The following PAN3 variants were observed in gnomAD, a reference collection of about 807,000 sequenced individuals.
The protein encoded by PAN3 is poly(A) specific ribonuclease subunit PAN3.
In PAN3, 19 loss-of-function variants were observed where a neutral mutation model predicts 96.2. The ratio of observed to expected loss-of-function variants is 0.20; its 90% CI spans 0.14 to 0.29. PAN3 has a LOEUF of 0.29. PAN3 is among the 10% of genes least tolerant of loss of function. The probability of loss-of-function intolerance (pLI) is 1.00; values close to 1 mark genes in which losing one functional copy is unlikely to be tolerated. For synonymous variants in PAN3, 433 were observed against 406.6 expected (o/e 1.06, Z -0.78); for missense variants, 882 against 1,108.1 (o/e 0.80, Z 2.90).
chr13:28,251,856 G>C (rs1465979582), intron 6 of PAN3, among the ~76,000 whole-genome samples: 1 of 146,340 alleles, frequency 6.8e-6, no homozygotes, highest in African/African-American at 2.5e-5. Context: ...TTCTGCTTTA[G>C]TTTCTTGCTC....
At chr13:28,266,610 T>C in intron 9 of PAN3, 105 bp from the exon 10 acceptor site, 1 of 844,214 alleles carries the variant, frequency 1.2e-6, no homozygotes, top group Non-Finnish European at 1.7e-6. Context: ...CAAGAGCACA[T>C]TGTGATACAC....
chr13:28,141,757 G>T (rs1869880996), intron 1 of PAN3, among the ~76,000 whole-genome samples: 1 of 152,118 alleles, frequency 6.6e-6, no homozygotes, highest in Non-Finnish European at 1.5e-5. Flanking sequence ...ACCGCACCTG[G>T]CCGAGGATTT....
intron 17 of PAN3, 59 bp from the exon 18 acceptor site, chr13:28,287,925 A>G: frequency 6.9e-7 from 1 of 1,454,078 alleles, no homozygotes; most frequent in African/African-American, 1.5e-5. Flanking sequence ...TAAAAAATAG[A>G]CATATGGCCA....
At chr13:28,141,406 C>G (rs903475385) in intron 1 of PAN3, among the ~76,000 whole-genome samples, 2 of 149,376 alleles carry the variant, frequency 1.3e-5, no homozygotes, top group Non-Finnish European at 3.0e-5. Flanking sequence ...ATCTATTAAT[C>G]TTATTCCTGA....
intron 6 of PAN3, among the ~76,000 whole-genome samples, chr13:28,251,697 CA>C (rs778598713): frequency 1.7e-4 from 26 of 152,190 alleles, no homozygotes; most frequent in Non-Finnish European, 3.4e-4. Flanking sequence ...TGGTTTTACA[CA>C]GCGGTTTTAG....
At chr13:28,139,345 G>T (rs566732917) in intron 1 of PAN3, among the ~76,000 whole-genome samples, 1 of 150,838 alleles carries the variant, frequency 6.6e-6, no homozygotes. Context: ...TGATGTGAAG[G>T]GGGGGCGGGG....
intron 1 of PAN3, among the ~76,000 whole-genome samples, chr13:28,143,723 C>T (rs1450635229): frequency 6.6e-6 from 1 of 152,170 alleles, no homozygotes; most frequent in Non-Finnish European, 1.5e-5. Flanking sequence ...TAGTTAACCT[C>T]TGTATTTCCT....
At chr13:28,141,245 T>C (rs962374089) in intron 1 of PAN3, among the ~76,000 whole-genome samples, 1 of 151,916 alleles carries the variant, frequency 6.6e-6, no homozygotes, top group Non-Finnish European at 1.5e-5. Flanking sequence ...CCTCAGGTGA[T>C]CGTCCCGCCT....
chr13:28,246,504 A>G (rs1884203490), intron 6 of PAN3, among the ~76,000 whole-genome samples: 1 of 152,026 alleles, frequency 6.6e-6, no homozygotes, highest in African/African-American at 2.4e-5. Context: ...GTCACCTCCT[A>G]TACTATTGAA....
intron 1 of PAN3, among the ~76,000 whole-genome samples, chr13:28,153,833 A>T (rs1871723551): frequency 6.6e-6 from 1 of 152,176 alleles, no homozygotes; most frequent in African/African-American, 2.4e-5. Flanking sequence ...TAGCCTTCTG[A>T]GCTCATCCAT....
At chr13:28,254,477 T>C (rs139206127) in intron 6 of PAN3, among the ~76,000 whole-genome samples, 3 of 152,286 alleles carry the variant, frequency 2.0e-5, no homozygotes, top group African/African-American at 7.2e-5. Flanking sequence ...ACTTGGCCAG[T>C]TTATTTTGGA....
intron 17 of PAN3, among the ~76,000 whole-genome samples, chr13:28,282,491 A>G (rs1040734960): frequency 6.6e-6 from 1 of 152,230 alleles, no homozygotes; most frequent in African/African-American, 2.4e-5. Context: ...TGTTTCTTCT[A>G]GCATTTATCT....
chr13:28,191,220 ATCTTC>A (rs1000523814), intron 4 of PAN3, among the ~76,000 whole-genome samples: 2 of 152,154 alleles, frequency 1.3e-5, no homozygotes, highest in Admixed American at 1.3e-4. Context: ...TTATTTTCTG[ATCTTC>A]TCTTTAACCT....
chr13:28,217,127 A>T (rs968774086), intron 5 of PAN3, among the ~76,000 whole-genome samples: 3 of 151,092 alleles, frequency 2.0e-5, no homozygotes, highest in Non-Finnish European at 4.4e-5. Context: ...AAAAAAAAAA[A>T]TGATAATAAT....
chr13:28,224,103 C>G (rs1479343167), intron 6 of PAN3, among the ~76,000 whole-genome samples: 1 of 151,802 alleles, frequency 6.6e-6, no homozygotes, highest in Non-Finnish European at 1.5e-5. Context: ...GATCTCCTGA[C>G]TTCGTGGTCT....
Position 28,277,292 on chromosome 13 carries a change from T to C in PAN3, c.2105T>C (p.Leu702Ser), listed in dbSNP as rs1887140297. ...GTGTTGGCTTTGGCTTGCAACTCTT[T>C]GGCAGGAATTCAGCGAGAGAATTTA... The part of the protein sequence containing the change: ...KVVLALACNS[L>S]AGIQRENLQK... The change falls in exon 15 of 19, where the codon TTG (leucine) becomes TCG (serine). Residue 702 changes from leucine (L) to serine (S), a missense_variant. Physicochemically the swap from Leu to Ser is moderately radical, Grantham distance 145. Coordinates refer to ENST00000380958, the MANE Select transcript of PAN3 (RefSeq NM_175854.8). 1.9e-6 allele frequency: 3 copies of C among 1,613,572 alleles called. No homozygotes were observed. The highest frequency in any genetic ancestry group is 1.3e-5 in the African/African-American group (1 of 74,910).
At chr13:28,263,946 A>G (rs1336408464) in intron 9 of PAN3, among the ~76,000 whole-genome samples, 3 of 152,178 alleles carry the variant, frequency 2.0e-5, no homozygotes, top group South Asian at 2.1e-4. Flanking sequence ...TTTCAAACAA[A>G]CACCGCCCTA....
chr13:28,173,036 C>T (rs1874505091), intron 1 of PAN3, among the ~76,000 whole-genome samples: 1 of 152,118 alleles, frequency 6.6e-6, no homozygotes, highest in African/African-American at 2.4e-5. Flanking sequence ...GAAAGTGTGT[C>T]AGGAATTCTC....
At chr13:28,204,024 A>T (rs1879066839) in intron 5 of PAN3, among the ~76,000 whole-genome samples, 1 of 151,452 alleles carries the variant, frequency 6.6e-6, no homozygotes, top group South Asian at 2.1e-4. Flanking sequence ...GATGGTCTTG[A>T]TCTCTCTATC....
Sources: allele counts gnomAD v4.1 joint callset (sites outside exome capture counted in the v4.1 genomes callset), GRCh38; gene constraint gnomAD v4.1.1; transcripts MANE v1.5; gene names NCBI Gene and HGNC (gene_info 2026-07-23, HGNC 2026-07-21).